VSNL1: variants seen among roughly 807,000 people sequenced by gnomAD.
VSNL1 encodes the protein visinin-like protein 1.
Under a neutral mutation model 20.4 loss-of-function variants are expected in VSNL1, and 6 were observed. The ratio of observed to expected loss-of-function variants is 0.29; its 90% CI spans 0.16 to 0.58. VSNL1 has a LOEUF of 0.58. Ranked by LOEUF, VSNL1 falls within the 20% of genes least tolerant of loss-of-function variation. VSNL1 has a pLI of 0.90. For missense variants in VSNL1, 100 were observed against 234.5 expected (o/e 0.43, Z 3.75); for synonymous variants, 93 against 86.4 (o/e 1.08, Z -0.42).
chr2:17,578,124 G>A (rs1487386836), intron 1 of VSNL1, among the ~76,000 whole-genome samples: 1 of 152,202 alleles, frequency 6.6e-6, no homozygotes, highest in Non-Finnish European at 1.5e-5. Context: ...TTTTGAGGTA[G>A]TTATTAATAT....
intron 1 of VSNL1, among the ~76,000 whole-genome samples, chr2:17,569,396 T>C (rs1664030190): frequency 6.6e-6 from 1 of 151,892 alleles, no homozygotes; most frequent in Non-Finnish European, 1.5e-5. Flanking sequence ...TGTGGACTTG[T>C]TTTATTTCTC....
In VSNL1 at chr2:17,621,882, G is replaced by C. The variant is rs572332287; in HGVS notation, c.163-27528G>C. ...ATGGTACTCTGATCCTCCAGCCTCA[G>C]CCTCCCAAAGCAATGAGATTATAGG... On this transcript the variant is annotated intron_variant, in intron 2 of 3. Transcript: ENST00000295156. Among the ~76,000 whole-genome samples, 3 of 152,256 alleles carry C rather than the reference G, an allele frequency of 2.0e-5. No individual in the cohort carries two copies. In the East Asian group the frequency reaches 5.8e-4, roughly 29 times the overall value.
intron 2 of VSNL1, among the ~76,000 whole-genome samples, chr2:17,622,966 A>G (rs567877807): frequency 9.2e-5 from 14 of 152,296 alleles, no homozygotes; most frequent in African/African-American, 3.4e-4. Flanking sequence ...TCCCTCATCT[A>G]CACAAAAGCA....
intron 2 of VSNL1, among the ~76,000 whole-genome samples, chr2:17,597,612 T>C (rs1313776031): frequency 2.6e-5 from 4 of 152,174 alleles, no homozygotes; most frequent in Admixed American, 6.5e-5. Context: ...ATAACAAGAG[T>C]TCCTACCAAG....
At chr2:17,612,845 A>G (rs1665122404) in intron 2 of VSNL1, among the ~76,000 whole-genome samples, 1 of 152,174 alleles carries the variant, frequency 6.6e-6, no homozygotes, top group African/African-American at 2.4e-5. Flanking sequence ...CACTCCCTCA[A>G]GGAAGAGTTT....
At chr2:17,645,378 C>A (rs900915925) in intron 2 of VSNL1, among the ~76,000 whole-genome samples, 1 of 152,218 alleles carries the variant, frequency 6.6e-6, no homozygotes, top group Non-Finnish European at 1.5e-5. Context: ...AGGCAGTGAA[C>A]CAGGGATCTT....
chr2:17,552,685 A>G (rs1663573971), intron 1 of VSNL1, among the ~76,000 whole-genome samples: 1 of 152,194 alleles, frequency 6.6e-6, no homozygotes, highest in Non-Finnish European at 1.5e-5. Context: ...AAATCACTTA[A>G]TATCATCAAA....
intron 1 of VSNL1, among the ~76,000 whole-genome samples, chr2:17,559,026 A>G (rs1002075929): frequency 4.0e-5 from 6 of 151,244 alleles, no homozygotes; most frequent in Non-Finnish European, 7.4e-5. Context: ...AGGGACCCAG[A>G]CTCCTTCAGC....
At chr2:17,653,271 T>G (rs539188214) in intron 3 of VSNL1, among the ~76,000 whole-genome samples, 1 of 152,336 alleles carries the variant, frequency 6.6e-6, no homozygotes, top group East Asian at 1.9e-4. Context: ...TTTTCAGAGT[T>G]GCTTCCTGAG....
intron 2 of VSNL1, among the ~76,000 whole-genome samples, chr2:17,602,387 A>T (rs1373181418): frequency 6.6e-6 from 1 of 152,172 alleles, no homozygotes; most frequent in African/African-American, 2.4e-5. Flanking sequence ...ATCCAGTCCT[A>T]TTATAACTGG....
At chr2:17,635,428 C>T (rs1051578372) in intron 2 of VSNL1, among the ~76,000 whole-genome samples, 1 of 152,234 alleles carries the variant, frequency 6.6e-6, no homozygotes, top group Non-Finnish European at 1.5e-5. Flanking sequence ...AGGTCATCAT[C>T]GTGGCCACCC....
chr2:17,615,713 A>G (rs567738938), intron 2 of VSNL1, among the ~76,000 whole-genome samples: 4 of 152,352 alleles, frequency 2.6e-5, no homozygotes, highest in Non-Finnish European at 5.9e-5. Context: ...CCTCGTGAAT[A>G]CAAGATGATT....
intron 1 of VSNL1, among the ~76,000 whole-genome samples, chr2:17,550,192 C>A (rs949796320): frequency 6.6e-6 from 1 of 152,110 alleles, no homozygotes; most frequent in Non-Finnish European, 1.5e-5. Context: ...AATTATTGAT[C>A]TTCTGCAAAT....
chr2:17,628,758 G>A (rs549295880), intron 2 of VSNL1, among the ~76,000 whole-genome samples: 3 of 152,354 alleles, frequency 2.0e-5, no homozygotes, highest in Admixed American at 6.5e-5. Flanking sequence ...CAGGGAGGCT[G>A]GGTCCTGGCC....
chr2:17,582,872 T>A (rs1169325159), intron 1 of VSNL1, among the ~76,000 whole-genome samples: 1 of 151,888 alleles, frequency 6.6e-6, no homozygotes, highest in Non-Finnish European at 1.5e-5. Context: ...AAGAAAAATT[T>A]GGGAATCATA....
intron 2 of VSNL1, among the ~76,000 whole-genome samples, chr2:17,622,596 G>GAAAGA (rs1558303743): frequency 7.8e-6 from 1 of 128,764 alleles, no homozygotes; most frequent in East Asian, 2.2e-4. Flanking sequence ...AAGAAAGAAA[G>GAAAGA]AAAGAAAAGA....
intron 2 of VSNL1, among the ~76,000 whole-genome samples, chr2:17,620,495 G>A (rs575731569): frequency 4.6e-5 from 7 of 152,298 alleles, no homozygotes; most frequent in African/African-American, 1.2e-4. Context: ...CTTTCAGTGC[G>A]CCTCCCACGT....
intron 1 of VSNL1, among the ~76,000 whole-genome samples, chr2:17,565,261 A>G (rs1186414393): frequency 2.0e-5 from 3 of 152,188 alleles, no homozygotes; most frequent in Non-Finnish European, 4.4e-5. Flanking sequence ...ATTGGGAGAA[A>G]TTTCAAACAT....
At chr2:17,640,525 T>G (rs1344850785) in intron 2 of VSNL1, among the ~76,000 whole-genome samples, 1 of 152,140 alleles carries the variant, frequency 6.6e-6, no homozygotes, top group Non-Finnish European at 1.5e-5. Flanking sequence ...CTCATATAAT[T>G]TGGGGAGAAG....
Sources: gnomAD v4.1 joint callset for allele counts (sites outside exome capture counted in the v4.1 genomes callset) on GRCh38, gnomAD v4.1.1 for gene constraint, MANE v1.5 for transcripts, NCBI Gene and HGNC (gene_info 2026-07-23, HGNC 2026-07-21) for gene names.